Variants in BAZ2B observed in about 807,000 individuals in gnomAD.
The protein encoded by BAZ2B is bromodomain adjacent to zinc finger domain 2B.
BAZ2B carries 91 observed loss-of-function variants against 246.0 expected under a neutral mutation model. The observed-to-expected ratio is 0.37, with a 90% CI of 0.31 to 0.44. BAZ2B has a LOEUF of 0.44. Ranked by LOEUF, BAZ2B falls within the 20% of genes least tolerant of loss-of-function variation. The probability of loss-of-function intolerance (pLI) is 1.00; values close to 1 mark genes in which losing one functional copy is unlikely to be tolerated. For missense variants in BAZ2B, 2,332 were observed against 2,533.7 expected (o/e 0.92, Z 1.71); for synonymous variants, 855 against 860.0 (o/e 0.99, Z 0.10).
chr2:159,657,003 C>A, the BAZ2B span, among the ~76,000 whole-genome samples: 1 of 151,924 alleles, frequency 6.6e-6, no homozygotes, highest in South Asian at 2.1e-4. Flanking sequence ...GTACAACTTA[C>A]CAATTTTTTT....
the BAZ2B span, among the ~76,000 whole-genome samples, chr2:159,646,954 G>A: frequency 6.6e-6 from 1 of 152,076 alleles, no homozygotes; most frequent in Non-Finnish European, 1.5e-5. Flanking sequence ...CTTAAAGATA[G>A]ATGCTTTCTC....
At chr2:159,361,749 T>C (rs1156360376) in intron 27 of BAZ2B, among the ~76,000 whole-genome samples, 1 of 152,136 alleles carries the variant, frequency 6.6e-6, no homozygotes, top group African/African-American at 2.4e-5. Flanking sequence ...ATGTGGCACA[T>C]ATACACCATG....
In BAZ2B at chr2:159,341,194, G is replaced by T. The variant is rs919645159; in HGVS notation, c.5455-3422C>A. 7.9e-5 allele frequency among the ~76,000 whole-genome samples: 12 copies of T among 151,724 alleles called. 1 individual carries two copies. The highest frequency in any genetic ancestry group is 6.6e-4 in the Admixed American group (10 of 15,224). ...ATGGATAGAAATAGCCCATGCAAAT[G>T]AAAACCAAAAGTGAAGAGGAATAGT... On this transcript the variant is annotated intron_variant, in intron 31 of 36. Transcript: ENST00000392783.
the BAZ2B span, among the ~76,000 whole-genome samples, chr2:159,671,406 A>T: frequency 6.6e-6 from 1 of 152,234 alleles, no homozygotes. Flanking sequence ...GGACATAAAT[A>T]ACTAATTCTT....
chr2:159,408,880 T>C (rs1224540818), intron 14 of BAZ2B, among the ~76,000 whole-genome samples: 4 of 151,902 alleles, frequency 2.6e-5, no homozygotes, highest in Non-Finnish European at 5.9e-5. Flanking sequence ...GATCGCGCCA[T>C]TGCACTTCAG....
intron 34 of BAZ2B, among the ~76,000 whole-genome samples, chr2:159,326,888 A>G (rs1412072076): frequency 6.6e-6 from 1 of 152,232 alleles, no homozygotes; most frequent in East Asian, 1.9e-4. Flanking sequence ...CATGAAAGAA[A>G]GATATGTAAA....
At chr2:159,696,854 C>T in the BAZ2B span, among the ~76,000 whole-genome samples, 4 of 152,130 alleles carry the variant, frequency 2.6e-5, no homozygotes, top group Admixed American at 2.0e-4. Context: ...GGCGCCATCT[C>T]GGCTCACTGC....
intron 2 of BAZ2B, among the ~76,000 whole-genome samples, chr2:159,543,258 T>C (rs1173338102): frequency 1.3e-5 from 2 of 152,204 alleles, no homozygotes; most frequent in Non-Finnish European, 2.9e-5. Flanking sequence ...GGAGGTATGA[T>C]ACAATAATAA....
intron 2 of BAZ2B, among the ~76,000 whole-genome samples, chr2:159,500,559 A>T (rs2081597773): frequency 6.6e-6 from 1 of 152,180 alleles, no homozygotes; most frequent in African/African-American, 2.4e-5. Context: ...AAGAATGAAG[A>T]CCCTCTGTGA....
intron 27 of BAZ2B, 110 bp downstream of exon 27, chr2:159,372,935 A>G (rs1327610789): frequency 4.3e-5 from 54 of 1,270,514 alleles, no homozygotes; most frequent in Non-Finnish European, 5.4e-5. Flanking sequence ...AAGGTTTTAC[A>G]TGTTTACCAA....
the BAZ2B span, among the ~76,000 whole-genome samples, chr2:159,667,994 A>G: frequency 3.3e-5 from 5 of 152,244 alleles, no homozygotes; most frequent in Non-Finnish European, 7.4e-5. Context: ...ACATGTCAAC[A>G]ATCTTAAGTG....
chr2:159,693,476 C>A, the BAZ2B span: 2 of 140,332 alleles, frequency 1.4e-5, no homozygotes, highest in African/African-American at 5.2e-5. Flanking sequence ...CCAGGCTAAG[C>A]GCAATGGTGA....
chr2:159,326,380 T>C (rs1340458071), intron 34 of BAZ2B, among the ~76,000 whole-genome samples: 1 of 152,164 alleles, frequency 6.6e-6, no homozygotes, highest in Non-Finnish European at 1.5e-5. Flanking sequence ...AAGTGTCAAA[T>C]AGAGAAGTCC....
At chr2:159,572,551 A>C (rs1009867499) in intron 1 of BAZ2B, among the ~76,000 whole-genome samples, 3 of 152,242 alleles carry the variant, frequency 2.0e-5, no homozygotes, top group Non-Finnish European at 4.4e-5. Flanking sequence ...TGGATAAATC[A>C]ATAAATAAGT....
chr2:159,433,237 T>A lies in BAZ2B; in HGVS notation c.1420A>T (p.Thr474Ser). 1 of 1,614,184 alleles carries A rather than the reference T, an allele frequency of 6.2e-7. No homozygotes were observed. The highest frequency in any genetic ancestry group is 8.5e-7 in the Non-Finnish European group (1 of 1,180,016). The part of the protein sequence containing the change: ...TSSSPAHPKQ[T>S]LENNHPNPFL... Reference sequence around the variant, plus strand: ...GGATTTGGGTGGTTGTTTTCTAATGTTTGTTTTGGATGTGCTGGTGAACTA... The same window carrying A: ...GGATTTGGGTGGTTGTTTTCTAATGATTGTTTTGGATGTGCTGGTGAACTA... The change falls in exon 9 of 37, where the codon ACA (threonine) becomes TCA (serine). Residue 474 changes from threonine (T) to serine (S), a missense_variant. Thr to Ser is a moderately conservative substitution (Grantham distance 58, BLOSUM62 1). This residue lies in a region of BAZ2B where 651 missense variants were observed against 650.9 expected (regional missense o/e 1.00). Transcript: ENST00000392783.
At chr2:159,509,301 T>C (rs940180817) in intron 2 of BAZ2B, among the ~76,000 whole-genome samples, 3 of 152,140 alleles carry the variant, frequency 2.0e-5, no homozygotes, top group Non-Finnish European at 4.4e-5. Context: ...TTAATTCTAA[T>C]TACTTGTGGA....
At chr2:159,442,649 T>A (rs1264977112) in intron 6 of BAZ2B, among the ~76,000 whole-genome samples, 1 of 152,206 alleles carries the variant, frequency 6.6e-6, no homozygotes, top group Non-Finnish European at 1.5e-5. Context: ...TATTAAACAC[T>A]AACTTCCCAT....
chr2:159,646,158 G>A, the BAZ2B span, among the ~76,000 whole-genome samples: 1 of 152,032 alleles, frequency 6.6e-6, no homozygotes, highest in South Asian at 2.1e-4. Flanking sequence ...CACCCAAGGG[G>A]GCCATTTTAG....
intron 23 of BAZ2B, among the ~76,000 whole-genome samples, chr2:159,384,178 G>C (rs1479975402): frequency 6.6e-6 from 1 of 151,936 alleles, no homozygotes; most frequent in Non-Finnish European, 1.5e-5. Context: ...AAGTCAAATA[G>C]GGATGCTTTT....
Sources: allele counts gnomAD v4.1 joint callset (sites outside exome capture counted in the v4.1 genomes callset), GRCh38; gene constraint gnomAD v4.1.1; regional missense constraint gnomAD v4.1.1; transcripts MANE v1.5; gene names NCBI Gene and HGNC (gene_info 2026-07-23, HGNC 2026-07-21).